Variants in TMEFF2 observed in about 807,000 individuals in gnomAD.
TMEFF2 encodes the protein transmembrane protein with EGF like and two follistatin like domains 2.
TMEFF2 carries 28 observed loss-of-function variants against 53.8 expected under a neutral mutation model. The ratio of observed to expected loss-of-function variants is 0.52; its 90% confidence interval spans 0.39 to 0.71. TMEFF2 has a LOEUF of 0.71. Ranked by LOEUF, TMEFF2 falls within the 30% of genes least tolerant of loss-of-function variation. The probability of loss-of-function intolerance (pLI) is 0.00; values close to 1 mark genes in which losing one functional copy is unlikely to be tolerated. For synonymous variants in TMEFF2, 162 were observed against 166.3 expected (o/e 0.97, Z 0.20); for missense variants, 353 against 455.2 (o/e 0.78, Z 2.04).
At position 191,949,084 on chromosome 2, in the gene TMEFF2, T is replaced by C; in HGVS notation, c.*1227A>G. On this transcript the variant is annotated 3_prime_UTR_variant, in exon 10 of 10. Transcript: ENST00000272771. The stretch of plus-strand genomic sequence containing the variant: ...AAGAGAGCTTTATTTAAATTTACTG[T>C]GTTAGCCATGGAAAGCTTTGCAGAG... 1.0e-6 allele frequency: 1 copy of C among 985,176 alleles called. No homozygotes were observed. Among genetic ancestry groups the C allele is most frequent in the Non-Finnish European group, 1.2e-6 (1 of 829,764 alleles). 61.0% of individuals were successfully genotyped at this position (985,176 alleles called of 1,614,324 possible).
intron 4 of TMEFF2, among the ~76,000 whole-genome samples, chr2:192,174,293 G>GA (rs1028221945): frequency 1.2e-4 from 18 of 150,934 alleles, no homozygotes; most frequent in East Asian, 3.9e-4. Context: ...TCTACTGGAA[G>GA]AAAAAAAAAG....
At chr2:192,038,980 A>C (rs1574315422) in intron 5 of TMEFF2, among the ~76,000 whole-genome samples, 1 of 152,202 alleles carries the variant, frequency 6.6e-6, no homozygotes, top group South Asian at 2.1e-4. Flanking sequence ...ATGCAAGCCT[A>C]TGGCCCTCAT....
At chr2:192,133,386 A>C (rs1050269057) in intron 4 of TMEFF2, among the ~76,000 whole-genome samples, 3 of 151,752 alleles carry the variant, frequency 2.0e-5, no homozygotes, top group African/African-American at 4.8e-5. Context: ...AATCACCCTT[A>C]CCCCACTCAA....
intron 4 of TMEFF2, among the ~76,000 whole-genome samples, chr2:192,174,969 A>G (rs943942443): frequency 1.3e-5 from 2 of 151,788 alleles, no homozygotes; most frequent in African/African-American, 2.4e-5. Flanking sequence ...TATGGAATAA[A>G]TATTCAATTC....
intron 5 of TMEFF2, chr2:192,027,918 G>A (rs915378742): frequency 1.3e-5 from 2 of 152,132 alleles, no homozygotes; most frequent in African/African-American, 4.8e-5. Flanking sequence ...GACCCCATGA[G>A]TCATGGGAAC....
At chr2:192,057,963 T>A (rs1242804801) in intron 4 of TMEFF2, among the ~76,000 whole-genome samples, 188 bp from the exon 5 acceptor site, 1 of 152,182 alleles carries the variant, frequency 6.6e-6, no homozygotes, top group Non-Finnish European at 1.5e-5. Flanking sequence ...ATAATATGTT[T>A]CCCATTGGTA....
intron 5 of TMEFF2, among the ~76,000 whole-genome samples, chr2:192,035,980 C>A (rs1687282298): frequency 6.6e-6 from 1 of 152,204 alleles, no homozygotes; most frequent in African/African-American, 2.4e-5. Flanking sequence ...ACCAAACTCT[C>A]CCCCATGAAC....
chr2:192,045,685 T>G (rs903282490), intron 5 of TMEFF2, among the ~76,000 whole-genome samples: 1 of 152,144 alleles, frequency 6.6e-6, no homozygotes, highest in African/African-American at 2.4e-5. Context: ...CCAACCTGGC[T>G]ACAGCCACCA....
chr2:191,955,460 C>G (rs1692044703), intron 8 of TMEFF2, among the ~76,000 whole-genome samples: 1 of 148,736 alleles, frequency 6.7e-6, no homozygotes, highest in African/African-American at 2.5e-5. Flanking sequence ...GGGATCATCC[C>G]ATCTCAGCTC....
chr2:191,949,164 T>TTA lies in TMEFF2; in HGVS notation c.*1145_*1146dup, dbSNP rs1175523888. On this transcript the variant is annotated 3_prime_UTR_variant, in exon 10 of 10. Coordinates refer to ENST00000272771, the MANE Select transcript of TMEFF2 (RefSeq NM_016192.4). Reference sequence around the variant, plus strand: ...CTTATTCCTTGAGAATTTTCACAGCTTATTTTTTCCAGATCAAGTTGTGAT... The same window carrying TTA: ...CTTATTCCTTGAGAATTTTCACAGCTTATATTTTTTCCAGATCAAGTTGTGAT... The TTA allele has an allele frequency of 1.0e-5, 10 of 985,264 alleles. No individual in the cohort carries two copies. In the African/African-American group the frequency reaches 1.7e-4, roughly 17 times the overall value. 61.0% of individuals were successfully genotyped at this position (985,264 alleles called of 1,614,324 possible).
At chr2:192,073,265 G>A (rs1324171717) in intron 4 of TMEFF2, among the ~76,000 whole-genome samples, 1 of 151,900 alleles carries the variant, frequency 6.6e-6, no homozygotes, top group East Asian at 1.9e-4. Flanking sequence ...AGGGCAAGGT[G>A]AGTATACTAT....
chr2:192,192,462 CCAGA>C (rs1474773617), intron 1 of TMEFF2, among the ~76,000 whole-genome samples: 1 of 152,040 alleles, frequency 6.6e-6, no homozygotes. Context: ...TGAAATGTAT[CCAGA>C]CAAAGAGGAA....
intron 5 of TMEFF2, among the ~76,000 whole-genome samples, chr2:192,045,300 T>C (rs6434529): frequency 0.93 from 140,886 of 152,250 alleles, 66,189 homozygotes; most frequent in South Asian, 1. Flanking sequence ...GGAGAAAAGG[T>C]AGGACATGTG....
chr2:191,971,710 A>G (rs1692644034), intron 7 of TMEFF2, among the ~76,000 whole-genome samples: 1 of 152,196 alleles, frequency 6.6e-6, no homozygotes, highest in African/African-American at 2.4e-5. Context: ...GTTTCCTTCT[A>G]TGTGTTAAAT....
At chr2:191,990,903 C>T (rs1458829733) in intron 7 of TMEFF2, among the ~76,000 whole-genome samples, 6 of 151,674 alleles carry the variant, frequency 4.0e-5, no homozygotes, top group African/African-American at 1.5e-4. Context: ...TATTTAGGTC[C>T]TCTAAACATA....
intron 4 of TMEFF2, among the ~76,000 whole-genome samples, chr2:192,069,301 G>C (rs927703518): frequency 2.6e-5 from 4 of 151,542 alleles, no homozygotes; most frequent in African/African-American, 4.8e-5. Context: ...CTTGGAATTT[G>C]CTCCACTAGC....
chr2:192,175,492 TAAC>T (rs1473204149), intron 4 of TMEFF2, among the ~76,000 whole-genome samples: 2 of 151,630 alleles, frequency 1.3e-5, no homozygotes, highest in Non-Finnish European at 3.0e-5. Context: ...AAATTTATCA[TAAC>T]AACAATTATC....
intron 4 of TMEFF2, among the ~76,000 whole-genome samples, chr2:192,114,048 G>C (rs1276398721): frequency 6.8e-6 from 1 of 146,308 alleles, no homozygotes; most frequent in Non-Finnish European, 1.5e-5. Context: ...GAACAATATT[G>C]AATAAAATCT....
intron 4 of TMEFF2, among the ~76,000 whole-genome samples, chr2:192,130,718 C>T (rs931227351): frequency 6.6e-6 from 1 of 152,036 alleles, no homozygotes; most frequent in Non-Finnish European, 1.5e-5. Context: ...CCTTCGCTGA[C>T]TCTCTTTTCA....
Sources: gnomAD v4.1 joint callset for allele counts (sites outside exome capture counted in the v4.1 genomes callset) on GRCh38, gnomAD v4.1.1 for gene constraint, MANE v1.5 for transcripts, NCBI Gene and HGNC (gene_info 2026-07-23, HGNC 2026-07-21) for gene names.